The following PLEKHA3 variants were observed in gnomAD, a reference collection of about 807,000 sequenced individuals.
PLEKHA3 encodes the protein pleckstrin homology domain containing A3, also known as pleckstrin homology domain-containing family A member 3.
PLEKHA3 carries 19 observed loss-of-function variants against 39.2 expected under a neutral mutation model. The observed-to-expected ratio is 0.48, with a 90% CI of 0.34 to 0.71. The LOEUF (loss-of-function observed/expected upper bound fraction) is 0.71, where lower values mean the gene tolerates loss of function less well. Among genes scored for constraint, PLEKHA3 ranks in the 30% least tolerant of loss-of-function variants. PLEKHA3 has a pLI of 0.01. For synonymous variants in PLEKHA3, 97 were observed against 118.6 expected (o/e 0.82, Z 1.18); for missense variants, 253 against 359.5 (o/e 0.70, Z 2.40).
At chr2:178,501,905 A>G (rs1685534142) in intron 7 of PLEKHA3, among the ~76,000 whole-genome samples, 1 of 152,034 alleles carries the variant, frequency 6.6e-6, no homozygotes, top group Admixed American at 6.6e-5. Flanking sequence ...ATTTCCAATT[A>G]AGGAACAGGT....
rs1238232686 is a variant in PLEKHA3, at chr2:178,515,848, A to G, written c.*11961A>G. 6.6e-6 allele frequency: 1 copy of G among 152,094 alleles called. No individual in the cohort carries two copies. Among genetic ancestry groups the G allele is most frequent in the Non-Finnish European group, 1.5e-5 (1 of 67,976 alleles). 9.4% of individuals were successfully genotyped at this position (152,094 alleles called of 1,614,324 possible). ...TTTTTCAGTTAACTAGTTGAATAGTATTTATCATTCACATTTGCACCCTAA... is the reference window on the plus strand; with the variant it reads ...TTTTTCAGTTAACTAGTTGAATAGTGTTTATCATTCACATTTGCACCCTAA... On this transcript the variant is annotated 3_prime_UTR_variant, in exon 8 of 8. Transcript: ENST00000234453.
At position 178,512,403 on chromosome 2, in the gene PLEKHA3, G is replaced by A. The variant is rs917298004; in HGVS notation, c.*8516G>A. The A allele has an allele frequency of 2.0e-5, 3 of 152,304 alleles. No homozygotes were observed. Among genetic ancestry groups the A allele is most frequent in the Admixed American group, 6.5e-5 (1 of 15,294 alleles). The allele number at this position is 152,304 out of a possible 1,614,324, so 9.4% of individuals were successfully genotyped here. A position where few individuals can be genotyped will look rare whatever the true frequency, so the allele number is the denominator to read the frequency against. The stretch of plus-strand genomic sequence containing the variant: ...TCAGAATATTAAAGATGAGTAAAAT[G>A]TATGACTATAATGAATTCCTTCTTC... On this transcript the variant is annotated 3_prime_UTR_variant, in exon 8 of 8. Coordinates refer to ENST00000234453, the MANE Select transcript of PLEKHA3 (RefSeq NM_019091.4).
rs548157609 is a variant in PLEKHA3, at chr2:178,514,652, C to T, written c.*10765C>T. The T allele has an allele frequency of 2.0e-5, 3 of 146,896 alleles. No homozygotes were observed. The highest frequency in any genetic ancestry group is 4.5e-5 in the Non-Finnish European group (3 of 67,160). The allele number at this position is 146,896 out of a possible 1,614,324, so 9.1% of individuals were successfully genotyped here. Reference sequence around the variant, plus strand: ...TCAAAGACCCTTGTCACATGGTGCTCAGGAAAAAAAAAGTGCCAATATTCT... The same window carrying T: ...TCAAAGACCCTTGTCACATGGTGCTTAGGAAAAAAAAAGTGCCAATATTCT... On this transcript the variant is annotated 3_prime_UTR_variant, in exon 8 of 8. Transcript: ENST00000234453.
At chr2:178,484,852 T>G (rs1398472336) in intron 1 of PLEKHA3, among the ~76,000 whole-genome samples, 1 of 152,242 alleles carries the variant, frequency 6.6e-6, no homozygotes, top group African/African-American at 2.4e-5. Flanking sequence ...TGTCGTCAGC[T>G]TTGGCATGGA....
At position 178,508,461 on chromosome 2, in the gene PLEKHA3, AT is replaced by A. The variant is rs1435545530; in HGVS notation, c.*4577del. ...CTCCCCCACCATGTTTCTGCTTTCT[AT>A]TTATTTGTTTTGGGCTCTTTCATTC... On this transcript the variant is annotated 3_prime_UTR_variant, in exon 8 of 8. Transcript: ENST00000234453. The A allele has an allele frequency of 2.0e-5, 3 of 149,906 alleles. No homozygotes were observed. Among genetic ancestry groups the A allele is most frequent in the Non-Finnish European group, 4.4e-5 (3 of 67,488 alleles). The allele number at this position is 149,906 out of a possible 1,614,324, so 9.3% of individuals were successfully genotyped here.
rs1461580027 is a variant in PLEKHA3, at chr2:178,509,541, G to A, written c.*5654G>A. 1.3e-5 allele frequency: 2 copies of A among 150,586 alleles called. No homozygotes were observed. The highest frequency in any genetic ancestry group is 4.9e-5 in the African/African-American group (2 of 40,836). 9.3% of individuals were successfully genotyped at this position (150,586 alleles called of 1,614,324 possible). On this transcript the variant is annotated 3_prime_UTR_variant, in exon 8 of 8. Transcript: ENST00000234453. The stretch of plus-strand genomic sequence containing the variant: ...CACCCAGTCTTGAGTATAGTGGAGT[G>A]ATCTCAGCTCACTGCAGTCTCGACC...
At chr2:178,489,699 A>G (rs542186561) in intron 2 of PLEKHA3, among the ~76,000 whole-genome samples, 4 of 151,992 alleles carry the variant, frequency 2.6e-5, no homozygotes, top group Non-Finnish European at 5.9e-5. Context: ...CTTGTTTCCT[A>G]ATATTCTCAG....
rs760741651 is a variant in PLEKHA3 at position 178,499,240 on chromosome 2, T to C, written c.645T>C (p.Ser215=). The change falls in exon 6 of 8, where the codon TCT becomes TCC. Residue 215 remains serine (S), a synonymous_variant. Transcript: ENST00000234453. ...MMKRSVSHPG[S]CSSERSSHSI... is the part of the protein sequence containing the mutation. ...AGCGTTCTGTCAGCCACCCTGGTTC[T>C]TGCAGTTCAGAGAGGTAAAAGAACC... is the stretch of plus-strand genomic sequence containing the variant. 8.1e-6 allele frequency: 13 copies of C among 1,612,350 alleles called. No individual in the cohort carries two copies. The highest frequency in any genetic ancestry group is 1.0e-5 in the Non-Finnish European group (12 of 1,179,312).
chr2:178,498,917 TAC>T (rs777224706), intron 5 of PLEKHA3, among the ~76,000 whole-genome samples: 1 of 152,084 alleles, frequency 6.6e-6, no homozygotes, highest in Non-Finnish European at 1.5e-5. Context: ...TATATTTGTA[TAC>T]ACACACATAT....
rs1359329921 is a variant in PLEKHA3, at chr2:178,494,126, A to G, written c.450+137A>G. ...TTCTGGGTTCTGCCTACTGTATACT[A>G]TCTGGAAATCTGTAGCATCTTCTCG... On this transcript the variant is annotated intron_variant, in intron 4 of 7. Coordinates refer to ENST00000234453, the MANE Select transcript of PLEKHA3 (RefSeq NM_019091.4). The G allele has an allele frequency of 6.9e-6, 6 of 867,100 alleles. No individual in the cohort carries two copies. The East Asian group carries it at 1.7e-4, about 24-fold the overall frequency. 53.7% of individuals were successfully genotyped at this position (867,100 alleles called of 1,614,324 possible).
At chr2:178,489,819 C>T (rs150078509) in intron 2 of PLEKHA3, among the ~76,000 whole-genome samples, 371 of 152,260 alleles carry the variant, frequency 2.4e-3, no homozygotes, top group Middle Eastern at 6.8e-3. Context: ...TACTTTCTCT[C>T]ATAATTACAC....
In PLEKHA3 at chr2:178,504,351, T is replaced by C. The variant is rs866178044; in HGVS notation, c.*464T>C. The C allele has an allele frequency of 1.9e-5, 3 of 154,708 alleles. No homozygotes were observed. The South Asian group carries it at 6.0e-4, about 31-fold the overall frequency. 9.6% of individuals were successfully genotyped at this position (154,708 alleles called of 1,614,324 possible). On this transcript the variant is annotated 3_prime_UTR_variant, in exon 8 of 8. Coordinates refer to ENST00000234453, the MANE Select transcript of PLEKHA3 (RefSeq NM_019091.4). Reference sequence around the variant, plus strand: ...AGTTACGATAGCAGCTTGATGGTGATTGTATTGTATTCCTTTAATCAAAAA... The same window carrying C: ...AGTTACGATAGCAGCTTGATGGTGACTGTATTGTATTCCTTTAATCAAAAA...
At chr2:178,493,345 T>G (rs1685387419) in intron 3 of PLEKHA3, among the ~76,000 whole-genome samples, 1 of 152,218 alleles carries the variant, frequency 6.6e-6, no homozygotes, top group Non-Finnish European at 1.5e-5. Context: ...AATTTAAAAC[T>G]TCTGTAAGCC....
rs35052196 is a variant in PLEKHA3 at position 178,507,658 on chromosome 2, G to GTTTTTTTTTTTTTTTTTTTTTT, written c.*3786_*3807dup. The GTTTTTTTTTTTTTTTTTTTTTT allele has an allele frequency of 1.4e-4, 4 of 28,818 alleles. 2 individuals carry two copies. Among genetic ancestry groups the GTTTTTTTTTTTTTTTTTTTTTT allele is most frequent in the Non-Finnish European group, 3.4e-4 (4 of 11,752 alleles). The allele number at this position is 28,818 out of a possible 1,614,324, so 1.8% of individuals were successfully genotyped here. A position where few individuals can be genotyped will look rare whatever the true frequency, so the allele number is the denominator to read the frequency against. ...CCTTTAGTTTTTAGTCTCACATTAG[G>GTTTTTTTTTTTTTTTTTTTTTT]TTTTTTTTTTTTTTTTTTTTTTTTT... On this transcript the variant is annotated 3_prime_UTR_variant, in exon 8 of 8. Transcript: ENST00000234453.
chr2:178,506,451 G>GA lies in PLEKHA3; in HGVS notation c.*2569dup, dbSNP rs1685601448. Reference sequence around the variant, plus strand: ...GGATTATTGCATGATCTTCAGTCAGGAAAAATCCAGAAATGGATGCTATTG... The same window carrying GA: ...GGATTATTGCATGATCTTCAGTCAGGAAAAAATCCAGAAATGGATGCTATTG... On this transcript the variant is annotated 3_prime_UTR_variant, in exon 8 of 8. Transcript: ENST00000234453. 1 of 152,108 alleles carries GA rather than the reference G, an allele frequency of 6.6e-6. No individual in the cohort carries two copies. The highest frequency in any genetic ancestry group is 6.6e-5 in the Admixed American group (1 of 15,266). 9.4% of individuals were successfully genotyped at this position (152,108 alleles called of 1,614,324 possible). A position where few individuals can be genotyped will look rare whatever the true frequency, so the allele number is the denominator to read the frequency against.
chr2:178,486,873 G>T (rs1371903923), intron 2 of PLEKHA3, among the ~76,000 whole-genome samples: 1 of 152,188 alleles, frequency 6.6e-6, no homozygotes, highest in Non-Finnish European at 1.5e-5. Context: ...TTTCTGTTTA[G>T]TGTATCTCTA....
chr2:178,503,962 G>A lies in PLEKHA3; in HGVS notation c.*75G>A. The stretch of plus-strand genomic sequence containing the variant: ...TGTAATTAAACTATTGTTATAGGGA[G>A]TAGTTTTTTCCCTTAGGACTCTGCA... On this transcript the variant is annotated 3_prime_UTR_variant, in exon 8 of 8. Coordinates refer to ENST00000234453, the MANE Select transcript of PLEKHA3 (RefSeq NM_019091.4). 1.9e-6 allele frequency: 3 copies of A among 1,539,662 alleles called. No individual in the cohort carries two copies. The highest frequency in any genetic ancestry group is 1.8e-6 in the Non-Finnish European group (2 of 1,123,972).
chr2:178,481,286 A>T (rs1399402853), intron 1 of PLEKHA3, among the ~76,000 whole-genome samples: 1 of 152,086 alleles, frequency 6.6e-6, no homozygotes. Context: ...ACTGGAATGG[A>T]CCCTTTAATT....
intron 2 of PLEKHA3, 144 bp downstream of exon 2, chr2:178,485,901 T>A: frequency 5.2e-6 from 3 of 575,562 alleles, no homozygotes; most frequent in Non-Finnish European, 9.4e-6. Flanking sequence ...GGAGTGGCAT[T>A]TCATCACAGT....
Sources: gnomAD v4.1 joint callset for allele counts (sites outside exome capture counted in the v4.1 genomes callset) on GRCh38, gnomAD v4.1.1 for gene constraint, MANE v1.5 for transcripts, NCBI Gene and HGNC (gene_info 2026-07-23, HGNC 2026-07-21) for gene names.